DMD: variants seen among roughly 807,000 people sequenced by gnomAD.
The protein encoded by DMD is mutant dystrophin.
Under a neutral mutation model 330.1 loss-of-function variants are expected in DMD, and 63 were observed. The ratio of observed to expected loss-of-function variants is 0.19; its 90% confidence interval spans 0.16 to 0.24. The LOEUF (loss-of-function observed/expected upper bound fraction) is 0.24. Among genes scored for constraint, DMD ranks in the 10% least tolerant of loss-of-function variants. The pLI, the probability that DMD is intolerant of heterozygous loss-of-function variation, is 1.00. For missense variants in DMD, 3,344 were observed against 2,684.1 expected (o/e 1.25, Z -5.43); for synonymous variants, 1,223 against 959.8 (o/e 1.27, Z -5.07).
chrX:31,662,067 G>A (rs184504180), intron 53 of DMD, among the ~76,000 whole-genome samples: 26 of 112,031 alleles, frequency 2.3e-4, no homozygotes, highest in African/African-American at 8.4e-4. Context: ...AAAAGCCTGA[G>A]CAATACAATG....
At position 33,153,586 on chromosome X, in the gene DMD, G is replaced by T. The variant is rs966544330; in HGVS notation, c.31+57696C>A. ...ACTGGGATATATCAATTATCTTAAA[G>T]AAGATATTCCTGAAACATACTTAAG... On this transcript the variant is annotated intron_variant, in intron 1 of 78. Transcript: ENST00000357033. Among the ~76,000 whole-genome samples the T allele has an allele frequency of 2.7e-5, 3 of 112,514 alleles. No homozygotes were observed. The East Asian group carries it at 8.3e-4, about 31-fold the overall frequency.
intron 60 of DMD, among the ~76,000 whole-genome samples, chrX:31,433,338 G>A (rs1278837869): frequency 9.0e-6 from 1 of 111,720 alleles, no homozygotes; most frequent in African/African-American, 3.3e-5. Flanking sequence ...TTGCTATTGT[G>A]AATAGTGCTG....
chrX:32,831,892 CCAT>C (rs944430868), intron 4 of DMD, among the ~76,000 whole-genome samples: 1 of 110,862 alleles, frequency 9.0e-6, no homozygotes, highest in African/African-American at 3.3e-5. Context: ...CACAGGGGAA[CCAT>C]CATCTTTATA....
At chrX:32,053,626 C>G (rs2096135356) in intron 44 of DMD, among the ~76,000 whole-genome samples, 1 of 110,822 alleles carries the variant, frequency 9.0e-6, no homozygotes, top group Non-Finnish European at 1.9e-5. Context: ...CTAAATATGC[C>G]CTTGACTTTT....
intron 44 of DMD, among the ~76,000 whole-genome samples, chrX:32,179,487 A>G (rs2096919884): frequency 8.9e-6 from 1 of 112,312 alleles, no homozygotes; most frequent in African/African-American, 3.2e-5. Context: ...ATAGATGGCC[A>G]TTTTGGTGTC....
intron 51 of DMD, among the ~76,000 whole-genome samples, chrX:31,757,688 G>A (rs1287533628): frequency 2.7e-5 from 3 of 109,896 alleles, no homozygotes; most frequent in Non-Finnish European, 3.8e-5. Flanking sequence ...GGCAGAGCCC[G>A]CATGACCTAA....
intron 66 of DMD, 35 bp from the exon 67 acceptor site, chrX:31,204,153 C>T (rs758657529): frequency 1.7e-6 from 2 of 1,179,628 alleles, no homozygotes; most frequent in Non-Finnish European, 2.3e-6. Flanking sequence ...ACAGTCAAAA[C>T]ACAGCACCCA....
At chrX:32,511,123 T>G (rs1335473152) in intron 18 of DMD, among the ~76,000 whole-genome samples, 3 of 110,764 alleles carry the variant, frequency 2.7e-5, no homozygotes, top group African/African-American at 9.9e-5. Flanking sequence ...CAATGAAATT[T>G]GGACTAATAT....
chrX:33,305,612 A>G (rs1276149933), intron 1 of DMD, among the ~76,000 whole-genome samples: 3 of 110,090 alleles, frequency 2.7e-5, no homozygotes, highest in Non-Finnish European at 5.7e-5. Flanking sequence ...TTCAAAAAAA[A>G]AAAAAAGAAA....
At chrX:33,274,866 G>A (rs1271186476) in intron 1 of DMD, among the ~76,000 whole-genome samples, 1 of 111,232 alleles carries the variant, frequency 9.0e-6, no homozygotes, top group Middle Eastern at 4.2e-3. Context: ...TTTATAACAA[G>A]GATCCTAAGA....
At chrX:32,680,780 C>G (rs1002580313) in intron 9 of DMD, among the ~76,000 whole-genome samples, 1 of 109,588 alleles carries the variant, frequency 9.1e-6, no homozygotes, top group Non-Finnish European at 1.9e-5. Context: ...CCCACCCCAA[C>G]CTTTCTCCCC....
At chrX:32,433,415 C>T (rs2098246494) in intron 29 of DMD, among the ~76,000 whole-genome samples, 1 of 111,735 alleles carries the variant, frequency 8.9e-6, no homozygotes, top group Non-Finnish European at 1.9e-5. Context: ...CGGTGGCTCA[C>T]GCCTGTAATT....
intron 60 of DMD, among the ~76,000 whole-genome samples, chrX:31,372,769 G>A (rs1358647402): frequency 1.8e-5 from 2 of 111,389 alleles, no homozygotes; most frequent in Non-Finnish European, 1.9e-5. Context: ...GCACAAGACA[G>A]GGATGCCCTC....
intron 51 of DMD, among the ~76,000 whole-genome samples, chrX:31,747,295 C>T (rs1213803173): frequency 1.8e-5 from 2 of 111,536 alleles, no homozygotes; most frequent in East Asian, 5.6e-4. Context: ...TCAAAAAACA[C>T]CATTTTATGA....
Position 33,044,576 on chromosome X carries a change from T to C in DMD, c.32-24376A>G, listed in dbSNP as rs754307849. Reference sequence around the variant, plus strand: ...TGGTTTCTTAAATGACTGCTACATATTGCCTTCTTACCTGACGATGGAGTG... The same window carrying C: ...TGGTTTCTTAAATGACTGCTACATACTGCCTTCTTACCTGACGATGGAGTG... On this transcript the variant is annotated intron_variant, in intron 1 of 78. Transcript: ENST00000357033. 3.6e-5 allele frequency among the ~76,000 whole-genome samples: 4 copies of C among 112,245 alleles called. No individual in the cohort carries two copies. The South Asian group carries it at 1.5e-3, about 41-fold the overall frequency.
chrX:33,104,244 T>C, intron 1 of DMD, among the ~76,000 whole-genome samples: 1 of 111,605 alleles, frequency 9.0e-6, no homozygotes, highest in African/African-American at 3.2e-5. Flanking sequence ...AATATGTTAA[T>C]AACGTTTTAA....
intron 9 of DMD, among the ~76,000 whole-genome samples, chrX:32,669,901 A>C (rs1453398568): frequency 9.0e-6 from 1 of 111,224 alleles, no homozygotes; most frequent in Admixed American, 9.7e-5. Flanking sequence ...CTCATTTTCC[A>C]GCCGCCTCTC....
At chrX:32,963,751 T>C (rs1183757591) in intron 2 of DMD, among the ~76,000 whole-genome samples, 3 of 111,062 alleles carry the variant, frequency 2.7e-5, no homozygotes, top group East Asian at 2.8e-4. Flanking sequence ...ACAAGAGAAG[T>C]TGGGGTCAAC....
chrX:32,228,302 C>A (rs2097155560), intron 43 of DMD, among the ~76,000 whole-genome samples: 1 of 111,367 alleles, frequency 9.0e-6, no homozygotes, highest in Admixed American at 9.6e-5. Context: ...AATGTTCCAG[C>A]AGACAACTGA....
Sources: allele counts gnomAD v4.1 joint callset (sites outside exome capture counted in the v4.1 genomes callset), GRCh38; gene constraint gnomAD v4.1.1; transcripts MANE v1.5; gene names NCBI Gene and HGNC (gene_info 2026-07-23, HGNC 2026-07-21).